KLHL1: variants seen among roughly 807,000 people sequenced by gnomAD.
The protein encoded by KLHL1 is kelch-like protein 1.
KLHL1 carries 47 observed loss-of-function variants against 77.7 expected under a neutral mutation model. The observed-to-expected ratio is 0.60, with a 90% CI of 0.48 to 0.77. KLHL1 has a LOEUF of 0.77. KLHL1 is among the 30% of genes least tolerant of loss of function. KLHL1 has a pLI of 0.00. For synonymous variants in KLHL1, 360 were observed against 325.2 expected (o/e 1.11, Z -1.15); for missense variants, 925 against 910.8 (o/e 1.02, Z -0.20).
intron 7 of KLHL1, among the ~76,000 whole-genome samples, chr13:69,749,662 G>T (rs1359091824): frequency 6.6e-6 from 1 of 151,948 alleles, no homozygotes; most frequent in Non-Finnish European, 1.5e-5. Flanking sequence ...CAATGAAGAT[G>T]TTGGCCTTCG....
At position 69,789,946 on chromosome 13, in the gene KLHL1, G is replaced by A. The variant is rs76800548; in HGVS notation, c.1639+6792C>T. On this transcript the variant is annotated intron_variant, in intron 7 of 10. Coordinates refer to ENST00000377844, the MANE Select transcript of KLHL1 (RefSeq NM_020866.3). ...GTCTAGAGTAGGTAGAGGCAGAGAC[G>A]CCAGCTGAAGCATCCAGCGTCTTTC... Among the ~76,000 whole-genome samples, 1,464 of 152,018 alleles carry A rather than the reference G, an allele frequency of 9.6e-3. 25 individuals carry two copies. Among genetic ancestry groups the A allele is most frequent in the African/African-American group, 0.033 (1,374 of 41,476 alleles).
intron 6 of KLHL1, among the ~76,000 whole-genome samples, chr13:69,821,281 T>G (rs1035089696): frequency 1.3e-5 from 2 of 152,208 alleles, no homozygotes; most frequent in Admixed American, 1.3e-4. Context: ...TAACAAATGT[T>G]CATTCATCGT....
intron 6 of KLHL1, among the ~76,000 whole-genome samples, chr13:69,814,262 T>G (rs2138067596): frequency 6.6e-6 from 1 of 152,198 alleles, no homozygotes; most frequent in Admixed American, 6.5e-5. Flanking sequence ...GACTAAAAAC[T>G]TAAATGTAAG....
chr13:69,885,070 A>C (rs1881159804), intron 4 of KLHL1, among the ~76,000 whole-genome samples: 1 of 141,256 alleles, frequency 7.1e-6, no homozygotes, highest in Admixed American at 6.9e-5. Context: ...CCTCCCGAGT[A>C]GCTGGGACTA....
intron 9 of KLHL1, 96 bp downstream of exon 9, chr13:69,719,273 C>T (rs1593770534): frequency 1.0e-6 from 1 of 976,316 alleles, no homozygotes; most frequent in Non-Finnish European, 1.6e-6. Context: ...TTGAATTTAC[C>T]CTTCCTAAAT....
At chr13:70,085,045 A>T (rs923167991) in intron 1 of KLHL1, among the ~76,000 whole-genome samples, 9 of 152,168 alleles carry the variant, frequency 5.9e-5, no homozygotes, top group African/African-American at 2.2e-4. Context: ...GTAAATGAAG[A>T]TGCTAAAATC....
At position 69,701,517 on chromosome 13, in the gene KLHL1, A is replaced by G. The variant is rs989745890; in HGVS notation, c.*185T>C. On this transcript the variant is annotated 3_prime_UTR_variant, in exon 11 of 11. Coordinates refer to ENST00000377844, the MANE Select transcript of KLHL1 (RefSeq NM_020866.3). ...TATGGCCAGACATTTTTCCTGTATAAGTTTAATGTTTTCTTGTTTCCTACT... is the reference window on the plus strand; with the variant it reads ...TATGGCCAGACATTTTTCCTGTATAGGTTTAATGTTTTCTTGTTTCCTACT... The G allele has an allele frequency of 3.8e-6, 2 of 531,278 alleles. No individual in the cohort carries two copies. The highest frequency in any genetic ancestry group is 6.7e-5 in the East Asian group (2 of 29,906). The allele number at this position is 531,278 out of a possible 1,614,324, so 32.9% of individuals were successfully genotyped here.
rs1185282462 is a variant in KLHL1, at chr13:70,027,649, G to GTTTTTTTTTTTTT, written c.498-51848_498-51847insAAAAAAAAAAAAA. ...GGCATTTTTGAAGCGCAAAATGTAA[G>GTTTTTTTTTTTTT]TTGTTTTTTTTTTTTTATGAACTGA... On this transcript the variant is annotated intron_variant, in intron 1 of 10. Transcript: ENST00000377844. 1.7e-3 allele frequency among the ~76,000 whole-genome samples: 186 copies of GTTTTTTTTTTTTT among 109,274 alleles called. 16 individuals are homozygous for GTTTTTTTTTTTTT. Among genetic ancestry groups the GTTTTTTTTTTTTT allele is most frequent in the East Asian group, 4.3e-3 (15 of 3,518 alleles). 71.7% of individuals were successfully genotyped at this position (109,274 alleles called of 152,430 possible).
chr13:69,713,108 G>A (rs1004666060), intron 9 of KLHL1, among the ~76,000 whole-genome samples: 1 of 152,012 alleles, frequency 6.6e-6, no homozygotes, highest in Admixed American at 6.6e-5. Flanking sequence ...GGAATTAAAG[G>A]CATAACCCAT....
At chr13:69,933,780 C>G (rs565939025) in intron 4 of KLHL1, among the ~76,000 whole-genome samples, 1 of 149,310 alleles carries the variant, frequency 6.7e-6, no homozygotes, top group Non-Finnish European at 1.5e-5. Flanking sequence ...TAGCACCGGA[C>G]AGAAAACAGA....
At chr13:69,765,698 T>C (rs1875269026) in intron 7 of KLHL1, among the ~76,000 whole-genome samples, 2 of 152,112 alleles carry the variant, frequency 1.3e-5, no homozygotes, top group African/African-American at 4.8e-5. Context: ...CTTTTACAGC[T>C]AGATAGAGTG....
chr13:69,931,375 T>C (rs147559851), intron 4 of KLHL1, among the ~76,000 whole-genome samples: 23 of 151,936 alleles, frequency 1.5e-4, no homozygotes, highest in African/African-American at 5.1e-4. Flanking sequence ...ACAATTTTAA[T>C]TGAGCTGAAG....
At chr13:69,874,489 A>G (rs959124287) in intron 5 of KLHL1, among the ~76,000 whole-genome samples, 1 of 152,196 alleles carries the variant, frequency 6.6e-6, no homozygotes, top group Non-Finnish European at 1.5e-5. Flanking sequence ...CCAAAATCTT[A>G]AAATCACTGG....
intron 7 of KLHL1, among the ~76,000 whole-genome samples, chr13:69,787,563 G>A (rs1398615708): frequency 6.6e-6 from 1 of 152,152 alleles, no homozygotes; most frequent in African/African-American, 2.4e-5. Context: ...AACCCTAGAA[G>A]GAAACCTAGG....
chr13:69,866,195 G>T (rs1880360691), intron 5 of KLHL1, among the ~76,000 whole-genome samples: 1 of 151,976 alleles, frequency 6.6e-6, no homozygotes, highest in South Asian at 2.1e-4. Flanking sequence ...GTTGTTTAAT[G>T]GTTTGGAAAA....
At position 69,723,176 on chromosome 13, in the gene KLHL1, T is replaced by C. The variant is rs899812439; in HGVS notation, c.1803-3595A>G. 2.6e-5 allele frequency among the ~76,000 whole-genome samples: 4 copies of C among 151,960 alleles called. No homozygotes were observed. The East Asian group carries it at 7.8e-4, about 29-fold the overall frequency. Reference sequence around the variant, plus strand: ...GTGGTTATCAAAGACTGGAGAGAACTAGTGGGGAGGGGTAGATGGAGAGAG... The same window carrying C: ...GTGGTTATCAAAGACTGGAGAGAACCAGTGGGGAGGGGTAGATGGAGAGAG... On this transcript the variant is annotated intron_variant, in intron 8 of 10. Transcript: ENST00000377844.
At chr13:70,081,492 C>G (rs575303933) in intron 1 of KLHL1, among the ~76,000 whole-genome samples, 16 of 152,240 alleles carry the variant, frequency 1.1e-4, no homozygotes, top group Non-Finnish European at 2.1e-4. Context: ...GACTGAGGTC[C>G]TCATTTTGCT....
intron 6 of KLHL1, among the ~76,000 whole-genome samples, chr13:69,816,147 AT>A (rs1878112620): frequency 6.6e-6 from 1 of 152,042 alleles, no homozygotes; most frequent in Non-Finnish European, 1.5e-5. Flanking sequence ...AAGATATATA[AT>A]TTTGATGTTC....
intron 6 of KLHL1, among the ~76,000 whole-genome samples, chr13:69,829,255 A>T (rs1878667673): frequency 6.7e-6 from 1 of 149,878 alleles, no homozygotes; most frequent in Admixed American, 6.7e-5. Context: ...CTGAAGACAG[A>T]TCACATTACA....
Sources: allele counts gnomAD v4.1 joint callset (sites outside exome capture counted in the v4.1 genomes callset), GRCh38; gene constraint gnomAD v4.1.1; transcripts MANE v1.5; gene names NCBI Gene and HGNC (gene_info 2026-07-23, HGNC 2026-07-21).